Variants in NLK observed in about 807,000 individuals in gnomAD.
NLK encodes nemo like kinase, also known as serine/threonine-protein kinase NLK.
NLK carries 11 observed loss-of-function variants against 59.0 expected under a neutral mutation model. The ratio of observed to expected loss-of-function variants is 0.19; its 90% confidence interval spans 0.12 to 0.31. NLK has a LOEUF of 0.31. Among genes scored for constraint, NLK ranks in the 10% least tolerant of loss-of-function variants. The pLI is 1.00. For missense variants in NLK, 410 were observed against 661.1 expected (o/e 0.62, Z 4.16); for synonymous variants, 235 against 235.9 (o/e 1.00, Z 0.03).
At chr17:28,101,254 G>A (rs748029162) in intron 1 of NLK, among the ~76,000 whole-genome samples, 2 of 152,194 alleles carry the variant, frequency 1.3e-5, no homozygotes, top group Middle Eastern at 6.8e-3. Flanking sequence ...ACCTATTCTA[G>A]GTCCTTTGTC....
chr17:28,064,590 G>T (rs1457909021), intron 1 of NLK, among the ~76,000 whole-genome samples: 1 of 152,146 alleles, frequency 6.6e-6, no homozygotes, highest in East Asian at 1.9e-4. Flanking sequence ...CAGGGATGGG[G>T]TCTCATTATG....
chr17:28,117,703 A>T (rs545559733), intron 1 of NLK, among the ~76,000 whole-genome samples: 76 of 152,280 alleles, frequency 5.0e-4, no homozygotes, highest in Non-Finnish European at 9.1e-4. Context: ...AAATTTGGGA[A>T]TCATTTTATA....
chr17:28,128,399 AGT>A (rs1906377242), intron 2 of NLK, among the ~76,000 whole-genome samples: 1 of 152,216 alleles, frequency 6.6e-6, no homozygotes, highest in Non-Finnish European at 1.5e-5. Flanking sequence ...TAAAATATTC[AGT>A]GTTTGAGGAA....
downstream of NLK, among the ~76,000 whole-genome samples, chr17:28,200,745 A>G (rs560395590): frequency 1.3e-5 from 2 of 152,262 alleles, no homozygotes; most frequent in South Asian, 2.1e-4. Context: ...TGGCCTCCCA[A>G]ATTGTTGGGA....
chr17:28,097,698 A>G (rs1184469648), intron 1 of NLK, among the ~76,000 whole-genome samples: 2 of 152,126 alleles, frequency 1.3e-5, no homozygotes, highest in Non-Finnish European at 1.5e-5. Flanking sequence ...CATCTTACCT[A>G]CTGTTGATAT....
At chr17:28,171,270 TG>T in intron 6 of NLK, 2 of 152,298 alleles carry the variant, frequency 1.3e-5, no homozygotes, top group Middle Eastern at 6.8e-3. Context: ...GGCTACCCCA[TG>T]GTTTAGATAA....
chr17:28,044,252 C>G (rs1031159247), intron 1 of NLK, among the ~76,000 whole-genome samples: 4 of 152,168 alleles, frequency 2.6e-5, no homozygotes, highest in Non-Finnish European at 5.9e-5. Flanking sequence ...CTCCCAAGGA[C>G]TAATGATTCC....
chr17:28,106,613 G>T (rs1905115855), intron 1 of NLK, among the ~76,000 whole-genome samples: 1 of 152,174 alleles, frequency 6.6e-6, no homozygotes, highest in Non-Finnish European at 1.5e-5. Flanking sequence ...TGAGCACTTT[G>T]TTTTAAATGC....
At chr17:28,153,616 C>A (rs184723482) in intron 3 of NLK, among the ~76,000 whole-genome samples, 329 of 152,290 alleles carry the variant, frequency 2.2e-3, no homozygotes, top group African/African-American at 7.6e-3. Flanking sequence ...GGGGAAGACA[C>A]AGATGTTCAG....
At chr17:28,174,679 CT>C (rs1458852478) in intron 7 of NLK, among the ~76,000 whole-genome samples, 6 of 152,198 alleles carry the variant, frequency 3.9e-5, no homozygotes, top group Non-Finnish European at 7.4e-5. Context: ...AGCATATTGC[CT>C]GCTTCCACTT....
rs532420508 is a variant in NLK at position 28,092,503 on chromosome 17, GT to G, written c.459-30098del. Among the ~76,000 whole-genome samples, 85 of 152,032 alleles carry G rather than the reference GT, an allele frequency of 5.6e-4. 4 individuals are homozygous for G. In the South Asian group the frequency reaches 0.017, roughly 31 times the overall value. On this transcript the variant is annotated intron_variant, in intron 1 of 10. Coordinates refer to ENST00000407008, the MANE Select transcript of NLK (RefSeq NM_016231.5). Reference sequence around the variant, plus strand: ...CCATAGTTTGTGAGGGAATTTTTTTGTTCCCATTAACTATATAAATATTTTA... The same window carrying G: ...CCATAGTTTGTGAGGGAATTTTTTTGTCCCATTAACTATATAAATATTTTA...
chr17:28,087,165 T>C (rs1910545925), intron 1 of NLK, among the ~76,000 whole-genome samples: 1 of 152,208 alleles, frequency 6.6e-6, no homozygotes, highest in Non-Finnish European at 1.5e-5. Context: ...TCAGAGATAG[T>C]AAAGTTAACC....
intron 3 of NLK, among the ~76,000 whole-genome samples, chr17:28,146,946 A>G (rs1907280386): frequency 6.6e-6 from 1 of 152,202 alleles, no homozygotes; most frequent in Non-Finnish European, 1.5e-5. Flanking sequence ...GGCAAAATAA[A>G]TTTAAAGCTG....
intron 1 of NLK, among the ~76,000 whole-genome samples, chr17:28,076,350 ATTCTCAATGTGT>A (rs1330883742): frequency 6.6e-6 from 1 of 152,172 alleles, no homozygotes; most frequent in Admixed American, 6.6e-5. Flanking sequence ...TAGATGATAC[ATTCTCAATGTGT>A]TCTCATCTGA....
At chr17:28,167,554 A>T (rs1253390616) in intron 5 of NLK, among the ~76,000 whole-genome samples, 1 of 152,026 alleles carries the variant, frequency 6.6e-6, no homozygotes, top group Admixed American at 6.6e-5. Context: ...AATCAAACCT[A>T]CAAGTATGCA....
chr17:28,175,308 G>A (rs1410976316), intron 7 of NLK, among the ~76,000 whole-genome samples: 4 of 151,752 alleles, frequency 2.6e-5, no homozygotes, highest in African/African-American at 9.7e-5. Flanking sequence ...AAAAAATTTA[G>A]CCAGGCGTGG....
chr17:28,132,771 A>G, intron 3 of NLK, 96 bp downstream of exon 3: 3 of 1,038,940 alleles, frequency 2.9e-6, no homozygotes, highest in Non-Finnish European at 2.9e-6. Flanking sequence ...AGTATTTTAA[A>G]TCTCATCCTT....
chr17:28,060,675 AC>A (rs1909601822), intron 1 of NLK, among the ~76,000 whole-genome samples: 1 of 152,226 alleles, frequency 6.6e-6, no homozygotes, highest in Admixed American at 6.5e-5. Flanking sequence ...TTGTTAAAAA[AC>A]ATTAAAGGAT....
chr17:28,191,078 C>T lies in NLK; in HGVS notation c.1294C>T (p.Leu432=). Residue 432 remains leucine (L), a synonymous_variant, in exon 9 of 11, where the codon CTA becomes TTA. Transcript: ENST00000407008. ...LAHPYLDEGR[L]RYHTCMCKCC... is the part of the protein sequence containing the mutation. ...CCACCCCTACCTAGATGAAGGGCGACTACGATATCACACATGTATGTGTAA... is the reference window on the plus strand; with the variant it reads ...CCACCCCTACCTAGATGAAGGGCGATTACGATATCACACATGTATGTGTAA... 6.2e-7 allele frequency: 1 copy of T among 1,613,440 alleles called. No individual in the cohort carries two copies. Among genetic ancestry groups the T allele is most frequent in the South Asian group, 1.1e-5 (1 of 90,924 alleles).
Sources: allele counts gnomAD v4.1 joint callset (sites outside exome capture counted in the v4.1 genomes callset), GRCh38; gene constraint gnomAD v4.1.1; transcripts MANE v1.5; gene names NCBI Gene and HGNC (gene_info 2026-07-23, HGNC 2026-07-21).